Variants in CDH13 observed in about 807,000 individuals in gnomAD.
CDH13 encodes the protein cadherin-13.
Under a neutral mutation model 63.8 loss-of-function variants are expected in CDH13, and 24 were observed. The ratio of observed to expected loss-of-function variants is 0.38; its 90% confidence interval spans 0.27 to 0.53. The LOEUF is 0.53. Among genes scored for constraint, CDH13 ranks in the 20% least tolerant of loss-of-function variants. The probability of loss-of-function intolerance (pLI) is 0.85; values close to 1 mark genes in which losing one functional copy is unlikely to be tolerated. For synonymous variants in CDH13, 503 were observed against 355.3 expected (o/e 1.42, Z -4.67); for missense variants, 1,049 against 903.1 (o/e 1.16, Z -2.07).
chr16:83,539,274 C>A (rs937488461), intron 7 of CDH13, among the ~76,000 whole-genome samples: 1 of 152,074 alleles, frequency 6.6e-6, no homozygotes, highest in African/African-American at 2.4e-5. Flanking sequence ...AACCTAGATC[C>A]CTCACACGTG....
intron 7 of CDH13, among the ~76,000 whole-genome samples, chr16:83,496,084 C>G (rs2074135807): frequency 6.6e-6 from 1 of 151,560 alleles, no homozygotes; most frequent in African/African-American, 2.4e-5. Context: ...GCCATACTGC[C>G]CAAGGTAATT....
chr16:83,154,183 C>G (rs897980691), intron 4 of CDH13, among the ~76,000 whole-genome samples: 1 of 152,052 alleles, frequency 6.6e-6, no homozygotes, highest in African/African-American at 2.4e-5. Flanking sequence ...ATGACACGAG[C>G]TTATCCTAAG....
At chr16:83,012,950 A>G (rs531123339) in intron 2 of CDH13, among the ~76,000 whole-genome samples, 11 of 152,326 alleles carry the variant, frequency 7.2e-5, no homozygotes, top group African/African-American at 2.6e-4. Flanking sequence ...GTGTTTGTGA[A>G]TCATTTTCCC....
intron 7 of CDH13, among the ~76,000 whole-genome samples, chr16:83,570,946 CATAT>C (rs57586630): frequency 0.31 from 33,994 of 109,998 alleles, 5,294 homozygotes; most frequent in Middle Eastern, 0.42. Context: ...ATAACTCATC[CATAT>C]ATATATATAT....
intron 2 of CDH13, among the ~76,000 whole-genome samples, chr16:82,891,891 C>G (rs1048662191): frequency 2.6e-5 from 4 of 152,180 alleles, no homozygotes; most frequent in Non-Finnish European, 5.9e-5. Flanking sequence ...TTGGATACTG[C>G]TGGTCACGTG....
intron 5 of CDH13, among the ~76,000 whole-genome samples, chr16:83,275,116 A>C (rs1567556835): frequency 6.6e-6 from 1 of 152,202 alleles, no homozygotes; most frequent in Non-Finnish European, 1.5e-5. Context: ...TTCCTAGAAC[A>C]GTGCCTGGTA....
At chr16:83,181,482 G>T (rs560398955) in intron 4 of CDH13, among the ~76,000 whole-genome samples, 2 of 152,270 alleles carry the variant, frequency 1.3e-5, no homozygotes, top group African/African-American at 4.8e-5. Context: ...ACCACATCTT[G>T]GGCTGTAGTA....
chr16:83,685,639 AAAGG>A (rs1249056333), intron 10 of CDH13, among the ~76,000 whole-genome samples: 1 of 152,318 alleles, frequency 6.6e-6, no homozygotes, highest in South Asian at 2.1e-4. Context: ...GTGTCCCTAT[AAAGG>A]AAGAAAGAAA....
At chr16:82,895,606 A>G (rs2041228499) in intron 2 of CDH13, among the ~76,000 whole-genome samples, 1 of 152,072 alleles carries the variant, frequency 6.6e-6, no homozygotes, top group Non-Finnish European at 1.5e-5. Flanking sequence ...AATGACATGC[A>G]TTCACCATCA....
At chr16:83,326,355 A>G (rs2090361350) in intron 5 of CDH13, among the ~76,000 whole-genome samples, 1 of 151,662 alleles carries the variant, frequency 6.6e-6, no homozygotes, top group African/African-American at 2.4e-5. Context: ...AGCATAAATC[A>G]TTAGTATCTC....
Position 83,385,235 on chromosome 16 carries a change from A to C in CDH13, c.781+40229A>C, listed in dbSNP as rs1174882573. Among the ~76,000 whole-genome samples, 3 of 152,364 alleles carry C rather than the reference A, an allele frequency of 2.0e-5. No homozygotes were observed. In the East Asian group the frequency reaches 5.8e-4, roughly 29 times the overall value. On this transcript the variant is annotated intron_variant, in intron 6 of 13. Coordinates refer to ENST00000567109, the MANE Select transcript of CDH13 (RefSeq NM_001257.5). ...TGAGAGAGAATCATTGTTTCCATTA[A>C]ATAGTACCAGTTTTTGTAAGGCAAG...
intron 1 of CDH13, among the ~76,000 whole-genome samples, chr16:82,832,989 G>C (rs1200162120): frequency 6.6e-6 from 1 of 152,180 alleles, no homozygotes; most frequent in African/African-American, 2.4e-5. Flanking sequence ...TTAGCAATAT[G>C]TGTTATGTGA....
At chr16:83,751,814 T>G (rs1357752630) in intron 11 of CDH13, among the ~76,000 whole-genome samples, 1 of 152,254 alleles carries the variant, frequency 6.6e-6, no homozygotes, top group East Asian at 1.9e-4. Flanking sequence ...AAATCAGGAA[T>G]GACTATTTCA....
intron 8 of CDH13, among the ~76,000 whole-genome samples, chr16:83,651,923 C>A (rs989121196): frequency 6.6e-6 from 1 of 152,182 alleles, no homozygotes; most frequent in Non-Finnish European, 1.5e-5. Context: ...TGACAGAGTG[C>A]CACTGGAGTG....
chr16:83,622,365 G>T (rs995364713), intron 8 of CDH13, among the ~76,000 whole-genome samples: 9 of 152,142 alleles, frequency 5.9e-5, no homozygotes, highest in African/African-American at 2.2e-4. Context: ...GGCCCCATGG[G>T]ATTCCGAAAT....
chr16:83,566,454 C>T (rs574359837), intron 7 of CDH13, among the ~76,000 whole-genome samples: 2 of 152,284 alleles, frequency 1.3e-5, no homozygotes, highest in Non-Finnish European at 2.9e-5. Flanking sequence ...AAACACCCTT[C>T]CAGCCACATA....
At chr16:83,471,178 A>G (rs1460547396) in intron 6 of CDH13, among the ~76,000 whole-genome samples, 2 of 151,978 alleles carry the variant, frequency 1.3e-5, no homozygotes, top group African/African-American at 4.8e-5. Flanking sequence ...GACATTGACT[A>G]AGTTTCTTTT....
chr16:83,510,449 C>T (rs758063758), intron 7 of CDH13, among the ~76,000 whole-genome samples: 3 of 152,178 alleles, frequency 2.0e-5, no homozygotes, highest in Non-Finnish European at 4.4e-5. Flanking sequence ...ATTAAAAATA[C>T]ACAACACACC....
intron 1 of CDH13, among the ~76,000 whole-genome samples, chr16:82,820,478 C>T (rs2037952634): frequency 6.6e-6 from 1 of 152,178 alleles, no homozygotes; most frequent in African/African-American, 2.4e-5. Flanking sequence ...AACCTCCCCA[C>T]AGTTTTATAA....
Sources: gnomAD v4.1 joint callset for allele counts (sites outside exome capture counted in the v4.1 genomes callset) on GRCh38, gnomAD v4.1.1 for gene constraint, MANE v1.5 for transcripts, NCBI Gene and HGNC (gene_info 2026-07-23, HGNC 2026-07-21) for gene names.